THSD7B: variants seen among roughly 807,000 people sequenced by gnomAD.
THSD7B encodes thrombospondin type-1 domain-containing protein 7B.
In THSD7B, 138 loss-of-function variants were observed where a neutral mutation model predicts 213.6. The ratio of observed to expected loss-of-function variants is 0.65; its 90% confidence interval spans 0.56 to 0.74. The LOEUF (loss-of-function observed/expected upper bound fraction) is 0.74, where lower values mean the gene tolerates loss of function less well. Ranked by LOEUF, THSD7B falls within the 30% of genes least tolerant of loss-of-function variation. The pLI, the probability that THSD7B is intolerant of heterozygous loss-of-function variation, is 0.00. For missense variants in THSD7B, 1,931 were observed against 1,991.5 expected, an observed-to-expected ratio of 0.97 and a Z score of 0.58; for synonymous variants, 742 against 687.0, an observed-to-expected ratio of 1.08 and a Z score of -1.25.
At chr2:137,394,392 A>T (rs1318056610) in intron 12 of THSD7B, among the ~76,000 whole-genome samples, 4 of 137,134 alleles carry the variant, frequency 2.9e-5, no homozygotes, top group African/African-American at 1.1e-4. Flanking sequence ...CTAGCCAGTT[A>T]TCCCAGCACT....
At chr2:137,074,183 G>A (rs1292551661) in intron 3 of THSD7B, among the ~76,000 whole-genome samples, 1 of 151,508 alleles carries the variant, frequency 6.6e-6, no homozygotes, top group East Asian at 1.9e-4. Flanking sequence ...TTGACAGTGG[G>A]GTGTTAAAGT....
At chr2:137,546,445 T>TATATATATATA (rs1680731680) in intron 15 of THSD7B, among the ~76,000 whole-genome samples, 1 of 20,404 alleles carries the variant, frequency 4.9e-5, no homozygotes, top group Non-Finnish European at 7.6e-5. Context: ...TTATATATAT[T>TATATATATATA]ATATATATAT....
intron 14 of THSD7B, among the ~76,000 whole-genome samples, chr2:137,416,149 A>G (rs759714033): frequency 6.6e-6 from 1 of 151,914 alleles, no homozygotes; most frequent in Non-Finnish European, 1.5e-5. Flanking sequence ...TCCTTTTTCT[A>G]TCTTCTGCAC....
chr2:137,586,140 A>T (rs1333734310), intron 17 of THSD7B, among the ~76,000 whole-genome samples: 1 of 152,062 alleles, frequency 6.6e-6, no homozygotes, highest in African/African-American at 2.4e-5. Flanking sequence ...CTGTTTTATC[A>T]GAGACTAGGA....
At chr2:137,591,503 T>C (rs1260813153) in intron 17 of THSD7B, among the ~76,000 whole-genome samples, 1 of 151,950 alleles carries the variant, frequency 6.6e-6, no homozygotes, top group Non-Finnish European at 1.5e-5. Flanking sequence ...ATTTAAGCTT[T>C]TTTACTTATT....
At chr2:137,632,609 G>A (rs2104853664) in intron 20 of THSD7B, among the ~76,000 whole-genome samples, 1 of 152,272 alleles carries the variant, frequency 6.6e-6, no homozygotes, top group South Asian at 2.1e-4. Context: ...AGAACTGGAG[G>A]TAAGCGGTCA....
intron 12 of THSD7B, among the ~76,000 whole-genome samples, chr2:137,397,419 T>G (rs1574004992): frequency 6.6e-6 from 1 of 152,098 alleles, no homozygotes; most frequent in East Asian, 1.9e-4. Context: ...CTCCTTCACT[T>G]AGGAAGCTTA....
chr2:137,069,693 C>G (rs916119198), intron 3 of THSD7B, among the ~76,000 whole-genome samples: 39 of 151,966 alleles, frequency 2.6e-4, no homozygotes, highest in African/African-American at 8.9e-4. Flanking sequence ...TTTGTATCTG[C>G]TGTTAAAGGA....
chr2:137,345,224 A>G (rs551699731), intron 12 of THSD7B, among the ~76,000 whole-genome samples: 2 of 151,846 alleles, frequency 1.3e-5, no homozygotes, highest in South Asian at 2.1e-4. Flanking sequence ...CAAGGAAGAA[A>G]ACTGAATAAA....
At chr2:136,971,904 T>C (rs1685411379) in intron 2 of THSD7B, among the ~76,000 whole-genome samples, 1 of 152,172 alleles carries the variant, frequency 6.6e-6, no homozygotes, top group Non-Finnish European at 1.5e-5. Context: ...TTAATTCTTC[T>C]CTCTGCTCTT....
chr2:137,508,376 A>ATTTTTTTT (rs11383871), intron 15 of THSD7B, among the ~76,000 whole-genome samples: 1 of 107,950 alleles, frequency 9.3e-6, no homozygotes, highest in Non-Finnish European at 1.8e-5. Flanking sequence ...AAATAAAACA[A>ATTTTTTTT]TTTTTTTTTT....
chr2:136,819,755 T>C (rs553932327), intron 1 of THSD7B, among the ~76,000 whole-genome samples: 1 of 152,150 alleles, frequency 6.6e-6, no homozygotes, highest in Non-Finnish European at 1.5e-5. Context: ...GGCCAATGCA[T>C]TTCCTCTCCC....
intron 12 of THSD7B, among the ~76,000 whole-genome samples, chr2:137,402,834 A>T (rs1300731011): frequency 6.8e-6 from 1 of 148,052 alleles, no homozygotes; most frequent in Non-Finnish European, 1.5e-5. Flanking sequence ...AAAAAAAAAA[A>T]GGTTTGAATT....
intron 1 of THSD7B, among the ~76,000 whole-genome samples, chr2:136,855,602 A>AT (rs111285205): frequency 0.14 from 2,744 of 19,296 alleles, 37 homozygotes; most frequent in Middle Eastern, 0.31. Flanking sequence ...TTATTTATTT[A>AT]TTATTTATTT....
At chr2:136,898,089 T>C (rs569034275) in intron 2 of THSD7B, among the ~76,000 whole-genome samples, 2 of 152,338 alleles carry the variant, frequency 1.3e-5, no homozygotes, top group South Asian at 4.1e-4. Flanking sequence ...TTTACAGTCC[T>C]CTAGCTAGAC....
intron 17 of THSD7B, among the ~76,000 whole-genome samples, chr2:137,584,097 G>A (rs1004969936): frequency 6.6e-6 from 1 of 152,118 alleles, no homozygotes; most frequent in Non-Finnish European, 1.5e-5. Context: ...TCTCTTTGAA[G>A]CAACTGGGAA....
At chr2:136,818,033 C>T (rs1204398589) in intron 1 of THSD7B, among the ~76,000 whole-genome samples, 13 of 143,884 alleles carry the variant, frequency 9.0e-5, no homozygotes, top group Admixed American at 6.9e-5. Flanking sequence ...TTGACCCAGC[C>T]ATCCCATTAC....
chr2:137,657,560 A>G (rs1683260969), intron 24 of THSD7B, among the ~76,000 whole-genome samples: 1 of 152,232 alleles, frequency 6.6e-6, no homozygotes, highest in Non-Finnish European at 1.5e-5. Context: ...TAAAGAGGTT[A>G]ATAAAGACAA....
At chr2:137,356,306 C>T (rs1685128246) in intron 12 of THSD7B, among the ~76,000 whole-genome samples, 1 of 152,128 alleles carries the variant, frequency 6.6e-6, no homozygotes, top group Non-Finnish European at 1.5e-5. Context: ...TCTGTCCCCT[C>T]CCCTTCTTTC....
Sources: allele counts gnomAD v4.1 joint callset (sites outside exome capture counted in the v4.1 genomes callset), GRCh38; gene constraint gnomAD v4.1.1; transcripts MANE v1.5; gene names NCBI Gene and HGNC (gene_info 2026-07-23, HGNC 2026-07-21).